The following FETUB variants were observed in gnomAD, a reference collection of about 807,000 sequenced individuals.
FETUB encodes the protein fetuin B.
FETUB carries 28 observed loss-of-function variants against 30.9 expected under a neutral mutation model. That is an observed-to-expected ratio of 0.90 (90% confidence interval 0.67 to 1.24). The LOEUF is 1.24. Ranked by LOEUF, FETUB falls within the 50% of genes most tolerant of loss-of-function variation. The probability of loss-of-function intolerance (pLI) is 0.00; values close to 1 mark genes in which losing one functional copy is unlikely to be tolerated. For missense variants in FETUB, 469 were observed against 455.3 expected (o/e 1.03, Z -0.27); for synonymous variants, 186 against 175.9 (o/e 1.06, Z -0.45).
chr3:186,645,604 A>G (rs1261745151), intron 4 of FETUB, among the ~76,000 whole-genome samples: 1 of 152,132 alleles, frequency 6.6e-6, no homozygotes, highest in Non-Finnish European at 1.5e-5. Context: ...CCAGGATTAC[A>G]GGCATGAACC....
chr3:186,650,078 C>T (rs1486479250), intron 5 of FETUB, among the ~76,000 whole-genome samples: 4 of 140,102 alleles, frequency 2.9e-5, no homozygotes, highest in East Asian at 2.1e-4. Flanking sequence ...GACACAACAT[C>T]GGCTTCACAT....
chr3:186,647,127 C>A (rs1368675850), intron 5 of FETUB: 1 of 152,156 alleles, frequency 6.6e-6, no homozygotes, highest in African/African-American at 2.4e-5. Context: ...TATCTGGCTT[C>A]TTTCACTTAG....
chr3:186,650,005 GGTGT>G (rs945650256), intron 5 of FETUB, among the ~76,000 whole-genome samples: 1 of 150,980 alleles, frequency 6.6e-6, no homozygotes, highest in Non-Finnish European at 1.5e-5. Flanking sequence ...GTATTCCATG[GGTGT>G]GTGTGTGTGT....
At chr3:186,645,188 G>A (rs1431547155) in intron 4 of FETUB, among the ~76,000 whole-genome samples, 1 of 152,084 alleles carries the variant, frequency 6.6e-6, no homozygotes, top group Non-Finnish European at 1.5e-5. Context: ...AGTCTCCTTG[G>A]GGGATTATCC....
Position 186,652,640 on chromosome 3 carries a change from CAG to C in FETUB, c.*12_*13del, listed in dbSNP as rs752700585. ...TTGTCCTTCCGCCATGAGAATCACACAGAGTCTTCTGTAGGGGTATGGTGCGC... is the reference window on the plus strand; with the variant it reads ...TTGTCCTTCCGCCATGAGAATCACACAGTCTTCTGTAGGGGTATGGTGCGC... On this transcript the variant is annotated 3_prime_UTR_variant, in exon 7 of 7. Transcript: ENST00000265029. 14 of 1,595,346 alleles carry C rather than the reference CAG, an allele frequency of 8.8e-6. No individual in the cohort carries two copies. The highest frequency in any genetic ancestry group is 2.2e-5 in the East Asian group (1 of 44,804).
chr3:186,651,964 C>T (rs374350914), intron 6 of FETUB: 5 of 212,364 alleles, frequency 2.4e-5, no homozygotes, highest in African/African-American at 1.2e-4. Flanking sequence ...GCTGCTTCCA[C>T]TACTGGGAAC....
At position 186,640,655 on chromosome 3, in the gene FETUB, C is replaced by A. The variant is rs1401741224; in HGVS notation, c.195C>A (p.Asn65Lys). The change falls in exon 1 of 7, where the codon AAC becomes AAA. Residue 65 changes from asparagine to lysine, a missense_variant. Asn to Lys is a moderately conservative substitution (Grantham distance 94). Transcript: ENST00000265029. ...DRKDGYVLRL[N>K]RVNDAQEYRR... is the part of the protein sequence containing the mutation. ...AGGATGGCTATGTGCTGAGACTCAA[C>A]CGAGTGAACGACGCCCAGGAATACA... The A allele has an allele frequency of 3.7e-6, 6 of 1,613,930 alleles. No homozygotes were observed. In the Admixed American group the frequency reaches 8.3e-5, roughly 22 times the overall value.
chr3:186,653,051 C>A lies in FETUB; in HGVS notation c.*420C>A. 6.3e-6 allele frequency: 1 copy of A among 158,548 alleles called. No homozygotes were observed. The allele number at this position is 158,548 out of a possible 1,614,324, so 9.8% of individuals were successfully genotyped here. On this transcript the variant is annotated 3_prime_UTR_variant, in exon 7 of 7. Coordinates refer to ENST00000265029, the MANE Select transcript of FETUB (RefSeq NM_014375.3). ...CTAATGCCCAGCACAGTTTCAGTCC[C>A]TAAATTCCCTTTAATTCCAGGACAG...
intron 1 of FETUB, 62 bp from the exon 2 acceptor site, chr3:186,640,968 G>T: frequency 4.7e-6 from 5 of 1,072,166 alleles, no homozygotes; most frequent in Admixed American, 2.0e-5. Context: ...GTTTTTTTGT[G>T]TGGTCTTTCT....
chr3:186,642,483 T>C lies in FETUB; in HGVS notation c.349T>C (p.Cys117Arg). 6.2e-7 allele frequency: 1 copy of C among 1,602,736 alleles called. No homozygotes were observed. The highest frequency in any genetic ancestry group is 8.5e-7 in the Non-Finnish European group (1 of 1,170,296). The change falls in exon 3 of 7, where the codon TGC (cysteine) becomes CGC (arginine). Residue 117 changes from cysteine to arginine, a missense_variant. Cys to Arg is a radical substitution (Grantham distance 180, BLOSUM62 -3). Coordinates refer to ENST00000265029, the MANE Select transcript of FETUB (RefSeq NM_014375.3). ...RIFFESVYGQCKAIFYMNNPS... is the reference protein window; with the variant it reads ...RIFFESVYGQRKAIFYMNNPS... ...TTGTTGGTTTCAGGTTTATGGTCAA[T>C]GCAAAGCAATATTTTATATGAACAA...
rs1222534793 is a variant in FETUB at position 186,642,635 on chromosome 3, T to C, written c.424+77T>C. 4 of 838,230 alleles carry C rather than the reference T, an allele frequency of 4.8e-6. No homozygotes were observed. In the East Asian group the frequency reaches 9.7e-5, roughly 20 times the overall value. 51.9% of individuals were successfully genotyped at this position (838,230 alleles called of 1,614,324 possible). ...CTTAACCAGGTCTTTGCCAAGAATG[T>C]ATAGGGTATCTCTCATTCTTATTTT... On this transcript the variant is annotated intron_variant, in intron 3 of 6. Coordinates refer to ENST00000265029, the MANE Select transcript of FETUB (RefSeq NM_014375.3).
chr3:186,642,430 G>T (rs754712978), intron 2 of FETUB, 41 bp from the exon 3 acceptor site: 2 of 1,083,828 alleles, frequency 1.8e-6, no homozygotes, highest in East Asian at 2.4e-5. Flanking sequence ...AAAGCTCATA[G>T]TTGCATTCGC....
Position 186,652,494 on chromosome 3 carries a change from A to C in FETUB, c.1012A>C (p.Thr338Pro). The part of the protein sequence containing the change: ...LDLTTNPQGE[T>P]LDISFLFLEP... ...CCTAACCACGAATCCCCAGGGAGAA[A>C]CCCTGGATATTTCCTTCCTCTTCCT... is the stretch of plus-strand genomic sequence containing the variant. Residue 338 changes from threonine (T) to proline (P), a missense_variant, in exon 7 of 7, where the codon ACC (threonine) becomes CCC (proline). Coordinates refer to ENST00000265029, the MANE Select transcript of FETUB (RefSeq NM_014375.3). The C allele has an allele frequency of 6.2e-7, 1 of 1,614,110 alleles. No individual in the cohort carries two copies. Among genetic ancestry groups the C allele is most frequent in the Non-Finnish European group, 8.5e-7 (1 of 1,180,008 alleles).
Position 186,641,092 on chromosome 3 carries a change from C to T in FETUB, c.288C>T (p.Leu96=), listed in dbSNP as rs1717015590. Residue 96 remains leucine (L), a synonymous_variant, in exon 2 of 7, where the codon CTC becomes CTT. Transcript: ENST00000265029. ...LDVLETDCHV[L]RKKAWQDCGM... Reference sequence around the variant, plus strand: ...TGCTAGAGACTGACTGCCATGTGCTCAGAAAGAAGGCATGGCAAGACTGTG... The same window carrying T: ...TGCTAGAGACTGACTGCCATGTGCTTAGAAAGAAGGCATGGCAAGACTGTG... 6.2e-7 allele frequency: 1 copy of T among 1,613,790 alleles called. No homozygotes were observed. The highest frequency in any genetic ancestry group is 1.3e-5 in the African/African-American group (1 of 74,890).
rs981486575 is a variant in FETUB at position 186,650,369 on chromosome 3, T to C, written c.697-849T>C. 6.6e-5 allele frequency among the ~76,000 whole-genome samples: 10 copies of C among 152,262 alleles called. No individual in the cohort carries two copies. The East Asian group carries it at 1.3e-3, about 21-fold the overall frequency. On this transcript the variant is annotated intron_variant, in intron 5 of 6. Coordinates refer to ENST00000265029, the MANE Select transcript of FETUB (RefSeq NM_014375.3). ...TACAGTATGACTCTAAAATTCCTCT[T>C]CTAGGAATTTATTCTAAGGAAGTAA... is the stretch of plus-strand genomic sequence containing the variant.
At chr3:186,640,806 ACT>A in intron 1 of FETUB, 121 bp downstream of exon 1, 1 of 841,344 alleles carries the variant, frequency 1.2e-6, no homozygotes, top group Non-Finnish European at 2.0e-6. Flanking sequence ...CCTGCCGAGA[ACT>A]CTCTGTTCTC....
At chr3:186,646,464 C>A in intron 5 of FETUB, 115 bp downstream of exon 5, 1 of 762,402 alleles carries the variant, frequency 1.3e-6, no homozygotes. Flanking sequence ...TTCTTCCCCT[C>A]AAGGAGCATC....
At chr3:186,648,903 T>C (rs1179975647) in intron 5 of FETUB, among the ~76,000 whole-genome samples, 1 of 152,218 alleles carries the variant, frequency 6.6e-6, no homozygotes, top group Non-Finnish European at 1.5e-5. Flanking sequence ...CTAGTGGATT[T>C]CTTAGGATTT....
At chr3:186,642,596 G>C in intron 3 of FETUB, 38 bp downstream of exon 3, 1 of 1,255,958 alleles carries the variant, frequency 8.0e-7, no homozygotes, top group Middle Eastern at 1.9e-4. Flanking sequence ...TTTAATAAAG[G>C]ATGGAAAAGA....
Sources: allele counts gnomAD v4.1 joint callset (sites outside exome capture counted in the v4.1 genomes callset), GRCh38; gene constraint gnomAD v4.1.1; transcripts MANE v1.5; gene names NCBI Gene and HGNC (gene_info 2026-07-23, HGNC 2026-07-21).